TRIP12: variants seen among roughly 807,000 people sequenced by gnomAD.
TRIP12 encodes thyroid hormone receptor interactor 12.
A neutral mutation model predicts 244.2 loss-of-function variants in TRIP12; 25 were observed. The observed-to-expected ratio is 0.10, with a 90% CI of 0.07 to 0.14. TRIP12 has a LOEUF of 0.14. Among genes scored for constraint, TRIP12 ranks in the 10% least tolerant of loss-of-function variants. The pLI, the probability that TRIP12 is intolerant of heterozygous loss-of-function variation, is 1.00. For missense variants in TRIP12, 1,677 were observed against 2,486.4 expected (o/e 0.67, Z 6.92); for synonymous variants, 905 against 873.1 (o/e 1.04, Z -0.64).
At chr2:229,871,138 C>T (rs2062504725) in intron 2 of TRIP12, among the ~76,000 whole-genome samples, 1 of 142,590 alleles carries the variant, frequency 7.0e-6, no homozygotes, top group African/African-American at 2.6e-5. Flanking sequence ...CACACCACTG[C>T]ACTTCAGCCT....
chr2:229,864,100 G>A (rs866012283), intron 2 of TRIP12, among the ~76,000 whole-genome samples: 2 of 150,212 alleles, frequency 1.3e-5, no homozygotes, highest in Non-Finnish European at 3.0e-5. Flanking sequence ...GTGCACACAT[G>A]TGTTCAGGAG....
intron 29 of TRIP12, 33 bp downstream of exon 29, chr2:229,791,833 T>C: frequency 6.2e-7 from 1 of 1,604,060 alleles, no homozygotes; most frequent in South Asian, 1.1e-5. Flanking sequence ...TCAAAGTTTA[T>C]GAAAAAACAA....
chr2:229,921,402 G>C (rs1171368564), intron 1 of TRIP12: 1 of 152,182 alleles, frequency 6.6e-6, no homozygotes, highest in Non-Finnish European at 1.5e-5. Flanking sequence ...CCCGATTTCC[G>C]GGCCCCTCGT....
intron 4 of TRIP12, among the ~76,000 whole-genome samples, chr2:229,848,488 GA>G (rs1553688129): frequency 6.6e-6 from 1 of 151,836 alleles, no homozygotes; most frequent in African/African-American, 2.4e-5. Context: ...AAACATGGGG[GA>G]AAAAAAGCAT....
chr2:229,804,370 A>G (rs2045285794), intron 18 of TRIP12, 143 bp from the exon 19 acceptor site: 2 of 681,214 alleles, frequency 2.9e-6, no homozygotes, highest in South Asian at 4.3e-5. Flanking sequence ...AACTTCTATG[A>G]TATGATCAAC....
intron 2 of TRIP12, among the ~76,000 whole-genome samples, chr2:229,860,764 A>G (rs921846091): frequency 6.6e-6 from 1 of 152,088 alleles, no homozygotes; most frequent in African/African-American, 2.4e-5. Context: ...TATTATCACC[A>G]GTAGTCATAA....
intron 17 of TRIP12, among the ~76,000 whole-genome samples, chr2:229,807,072 A>C (rs761368626): frequency 3.9e-5 from 6 of 152,234 alleles, no homozygotes; most frequent in Non-Finnish European, 8.8e-5. Flanking sequence ...AAAATCACAT[A>C]AAACTGTCAC....
At chr2:229,798,741 G>A in intron 23 of TRIP12, 134 bp downstream of exon 23, 1 of 992,782 alleles carries the variant, frequency 1.0e-6, no homozygotes, top group Non-Finnish European at 1.5e-6. Context: ...CCTAATTCTT[G>A]AACTATGCTT....
chr2:229,865,428 T>C (rs76396572), intron 2 of TRIP12, among the ~76,000 whole-genome samples: 2,841 of 151,896 alleles, frequency 0.019, 57 homozygotes, highest in Non-Finnish European at 0.026. Flanking sequence ...ATTCCTATTA[T>C]AGGTATTACA....
intron 8 of TRIP12, among the ~76,000 whole-genome samples, chr2:229,823,490 C>A (rs1270161980): frequency 6.6e-6 from 1 of 151,504 alleles, no homozygotes; most frequent in Non-Finnish European, 1.5e-5. Context: ...CTGGCTAACA[C>A]GGTGAAACCC....
At chr2:229,872,508 G>T (rs754940811) in intron 2 of TRIP12, among the ~76,000 whole-genome samples, 1 of 152,088 alleles carries the variant, frequency 6.6e-6, no homozygotes, top group Non-Finnish European at 1.5e-5. Context: ...AGGTTGCAGT[G>T]AGCCAAGATC....
intron 8 of TRIP12, among the ~76,000 whole-genome samples, chr2:229,822,720 T>C (rs1023085558): frequency 6.6e-6 from 1 of 152,030 alleles, no homozygotes; most frequent in Non-Finnish European, 1.5e-5. Context: ...AATATGGGAC[T>C]GAGAATTAAG....
intron 25 of TRIP12, among the ~76,000 whole-genome samples, chr2:229,795,993 G>A (rs2042725743): frequency 6.6e-6 from 1 of 152,180 alleles, no homozygotes. Flanking sequence ...AATAGGGAAC[G>A]TTTCCAAGTG....
chr2:229,796,481 T>A, intron 25 of TRIP12, 110 bp downstream of exon 25: 2 of 919,502 alleles, frequency 2.2e-6, no homozygotes, highest in Non-Finnish European at 3.0e-6. Flanking sequence ...CTAGAAGTTT[T>A]CCCTCAATGT....
chr2:229,824,358 A>G (rs963601817), intron 8 of TRIP12, among the ~76,000 whole-genome samples: 1 of 152,238 alleles, frequency 6.6e-6, no homozygotes, highest in East Asian at 1.9e-4. Flanking sequence ...GAAACGCAAA[A>G]TGGTGCAACT....
At chr2:229,786,942 T>C (rs1016245968) in intron 33 of TRIP12, among the ~76,000 whole-genome samples, 4 of 152,162 alleles carry the variant, frequency 2.6e-5, no homozygotes, top group African/African-American at 9.7e-5. Flanking sequence ...GTGAGAACTG[T>C]AGAATCGGTC....
chr2:229,905,188 C>T (rs1207583947), intron 1 of TRIP12, among the ~76,000 whole-genome samples: 1 of 151,636 alleles, frequency 6.6e-6, no homozygotes, highest in African/African-American at 2.4e-5. Flanking sequence ...GCAGGAGAAT[C>T]GCCTGAACCT....
intron 13 of TRIP12, among the ~76,000 whole-genome samples, chr2:229,812,486 T>C (rs1416216157): frequency 6.6e-6 from 1 of 152,248 alleles, no homozygotes; most frequent in Non-Finnish European, 1.5e-5. Flanking sequence ...AGTGATTCAA[T>C]GATCACTACT....
intron 6 of TRIP12, among the ~76,000 whole-genome samples, chr2:229,835,118 C>T (rs911254962): frequency 2.6e-5 from 4 of 152,210 alleles, no homozygotes; most frequent in Non-Finnish European, 5.9e-5. Flanking sequence ...AGCTTATTTC[C>T]CCATAAATAC....
Sources: allele counts gnomAD v4.1 joint callset (sites outside exome capture counted in the v4.1 genomes callset), GRCh38; gene constraint gnomAD v4.1.1; transcripts MANE v1.5; gene names NCBI Gene and HGNC (gene_info 2026-07-23, HGNC 2026-07-21).